KIAA1217: variants seen among roughly 807,000 people sequenced by gnomAD.
KIAA1217 encodes sickle tail protein homolog.
A neutral mutation model predicts 163.9 loss-of-function variants in KIAA1217; 88 were observed. That is an observed-to-expected ratio of 0.54 (90% CI 0.45 to 0.64). KIAA1217 has a LOEUF of 0.64. KIAA1217 is among the 30% of genes least tolerant of loss of function. The probability of loss-of-function intolerance (pLI) is 0.00; values close to 1 mark genes in which losing one functional copy is unlikely to be tolerated. For missense variants in KIAA1217, 2,372 were observed against 2,475.0 expected, an observed-to-expected ratio of 0.96 and a Z score of 0.88; for synonymous variants, 903 against 923.1, an observed-to-expected ratio of 0.98 and a Z score of 0.39.
At chr10:23,994,596 T>C (rs1846380742) in intron 1 of KIAA1217, among the ~76,000 whole-genome samples, 1 of 152,214 alleles carries the variant, frequency 6.6e-6, no homozygotes, top group Non-Finnish European at 1.5e-5. Context: ...GCCAAGATCA[T>C]GTCTGGGATT....
chr10:23,974,979 T>G (rs957744394), intron 1 of KIAA1217, among the ~76,000 whole-genome samples: 3 of 152,180 alleles, frequency 2.0e-5, no homozygotes, highest in Non-Finnish European at 4.4e-5. Context: ...GCTGTGCTAT[T>G]TCTTTCTCTT....
At chr10:24,273,328 C>A (rs1391239407) in intron 2 of KIAA1217, among the ~76,000 whole-genome samples, 1 of 152,176 alleles carries the variant, frequency 6.6e-6, no homozygotes, top group South Asian at 2.1e-4. Context: ...CCTTCATTCC[C>A]TTTTCTCTAG....
intron 2 of KIAA1217, among the ~76,000 whole-genome samples, chr10:24,090,307 C>T (rs1394190689): frequency 7.1e-6 from 1 of 141,302 alleles, no homozygotes; most frequent in East Asian, 2.1e-4. Context: ...GCTTGAACTA[C>T]AGGCATGCAC....
At chr10:24,437,516 G>A (rs1395076882) in intron 4 of KIAA1217, among the ~76,000 whole-genome samples, 1 of 152,210 alleles carries the variant, frequency 6.6e-6, no homozygotes, top group Non-Finnish European at 1.5e-5. Context: ...CTCTGAGCTA[G>A]CCCAGCCGGC....
At chr10:23,923,522 C>T (rs940989478) in intron 1 of KIAA1217, among the ~76,000 whole-genome samples, 6 of 152,066 alleles carry the variant, frequency 3.9e-5, no homozygotes, top group Middle Eastern at 3.4e-3. Flanking sequence ...TGATCACAGG[C>T]ATCTTTGTAA....
intron 2 of KIAA1217, among the ~76,000 whole-genome samples, chr10:24,140,770 G>C (rs886755930): frequency 1.8e-4 from 28 of 152,242 alleles, no homozygotes; most frequent in Admixed American, 1.8e-3. Context: ...TTATCTAAAG[G>C]CCGTGCTTGA....
intron 1 of KIAA1217, among the ~76,000 whole-genome samples, chr10:23,979,721 A>G (rs2131409678): frequency 6.6e-6 from 1 of 152,154 alleles, no homozygotes; most frequent in Non-Finnish European, 1.5e-5. Context: ...GCCAATTGAT[A>G]CCGTAGTGTG....
At chr10:24,302,819 G>A (rs2041532753) in intron 2 of KIAA1217, among the ~76,000 whole-genome samples, 1 of 152,148 alleles carries the variant, frequency 6.6e-6, no homozygotes, top group Non-Finnish European at 1.5e-5. Flanking sequence ...TCTGTCTAGT[G>A]GAAGAGCCCA....
chr10:23,801,416 G>A (rs536869964), intron 1 of KIAA1217, among the ~76,000 whole-genome samples: 7 of 152,234 alleles, frequency 4.6e-5, no homozygotes, highest in African/African-American at 1.7e-4. Context: ...CATGGCACGT[G>A]TATACCTATG....
At chr10:24,276,032 G>A (rs557092277) in intron 2 of KIAA1217, among the ~76,000 whole-genome samples, 73 of 152,258 alleles carry the variant, frequency 4.8e-4, no homozygotes, top group African/African-American at 1.6e-3. Flanking sequence ...ACTCAGTCCT[G>A]CTCAGAATGT....
chr10:24,473,875 C>A lies in KIAA1217; in HGVS notation c.1494C>A (p.Thr498=), dbSNP rs764853209. The change falls in exon 6 of 21, where the codon ACC becomes ACA. Residue 498 remains threonine (T), a synonymous_variant. Coordinates refer to ENST00000376454, the MANE Select transcript of KIAA1217 (RefSeq NM_019590.5). ...AHYNAHGPPH[T]MQPDRASPSR... Reference sequence around the variant, plus strand: ...ATAATGCCCACGGCCCCCCTCACACCATGCAGCCAGACCGGGCCTCTCCGA... The same window carrying A: ...ATAATGCCCACGGCCCCCCTCACACAATGCAGCCAGACCGGGCCTCTCCGA... 1.2e-6 allele frequency: 2 copies of A among 1,614,162 alleles called. No individual in the cohort carries two copies. The highest frequency in any genetic ancestry group is 1.7e-6 in the Non-Finnish European group (2 of 1,180,042).
chr10:23,910,994 C>T (rs1170856356), intron 1 of KIAA1217, among the ~76,000 whole-genome samples: 1 of 152,190 alleles, frequency 6.6e-6, no homozygotes, highest in African/African-American at 2.4e-5. Flanking sequence ...GCCTATCCCC[C>T]ATCTCTAACT....
intron 6 of KIAA1217, among the ~76,000 whole-genome samples, chr10:24,491,877 C>T (rs1189173993): frequency 6.6e-6 from 1 of 152,074 alleles, no homozygotes; most frequent in African/African-American, 2.4e-5. Context: ...TGTACAGAAC[C>T]CTTTAAGCAA....
At chr10:24,015,781 G>GGAAAGAAA (rs906212777) in intron 2 of KIAA1217, among the ~76,000 whole-genome samples, 2 of 150,416 alleles carry the variant, frequency 1.3e-5, no homozygotes, top group African/African-American at 4.9e-5. Flanking sequence ...AAAGAAAAAA[G>GGAAAGAAA]GAAAGAAAGA....
intron 2 of KIAA1217, among the ~76,000 whole-genome samples, chr10:24,316,094 C>T (rs2043328823): frequency 6.6e-6 from 1 of 152,120 alleles, no homozygotes; most frequent in South Asian, 2.1e-4. Flanking sequence ...CACTGGTCTT[C>T]AATGTGTTCA....
chr10:24,500,622 C>T (rs1185106484), intron 8 of KIAA1217, among the ~76,000 whole-genome samples: 1 of 152,132 alleles, frequency 6.6e-6, no homozygotes, highest in Non-Finnish European at 1.5e-5. Context: ...TTACTAATCT[C>T]CCCTTGGCGA....
At chr10:24,468,508 A>T (rs1413646953) in intron 5 of KIAA1217, among the ~76,000 whole-genome samples, 1 of 152,212 alleles carries the variant, frequency 6.6e-6, no homozygotes, top group Non-Finnish European at 1.5e-5. Context: ...AGAGACATTC[A>T]ACCTCAGATT....
Position 23,909,906 on chromosome 10 carries a change from C to G in KIAA1217, c.-320-97319C>G, listed in dbSNP as rs994161895. Among the ~76,000 whole-genome samples, 6 of 152,296 alleles carry G rather than the reference C, an allele frequency of 3.9e-5. No individual in the cohort carries two copies. In the East Asian group the frequency reaches 1.2e-3, roughly 29 times the overall value. On this transcript the variant is annotated intron_variant, in intron 1 of 18. Coordinates refer to the KIAA1217 transcript ENST00000376462. Reference sequence around the variant, plus strand: ...AGAATGGTTGAACTAATTTACACTGCCACCAACAGCGTAAAAGCATTCCTA... The same window carrying G: ...AGAATGGTTGAACTAATTTACACTGGCACCAACAGCGTAAAAGCATTCCTA...
intron 1 of KIAA1217, among the ~76,000 whole-genome samples, chr10:23,809,089 T>C (rs1008646364): frequency 1.3e-5 from 2 of 152,066 alleles, no homozygotes; most frequent in African/African-American, 4.8e-5. Context: ...ATGACAAACT[T>C]TGACTTAAAA....
Sources: allele counts gnomAD v4.1 joint callset (sites outside exome capture counted in the v4.1 genomes callset), GRCh38; gene constraint gnomAD v4.1.1; transcripts MANE v1.5; gene names NCBI Gene and HGNC (gene_info 2026-07-23, HGNC 2026-07-21).